The following RANBP17 variants were observed in gnomAD, a reference collection of about 807,000 sequenced individuals.
RANBP17 encodes ran-binding protein 17.
A neutral mutation model predicts 141.2 loss-of-function variants in RANBP17; 158 were observed. The ratio of observed to expected loss-of-function variants is 1.12; its 90% CI spans 0.98 to 1.28. The LOEUF (loss-of-function observed/expected upper bound fraction) is 1.28. RANBP17 is among the 50% of genes most tolerant of loss of function. RANBP17 has a pLI of 0.00. For synonymous variants in RANBP17, 430 were observed against 450.0 expected (o/e 0.96, Z 0.56); for missense variants, 1,438 against 1,290.7 (o/e 1.11, Z -1.75).
chr5:170,890,292 G>C (rs567696310), intron 3 of RANBP17, among the ~76,000 whole-genome samples: 12 of 152,154 alleles, frequency 7.9e-5, no homozygotes, highest in African/African-American at 2.9e-4. Context: ...CTTATGTTTT[G>C]TTATTGAAAT....
At chr5:171,263,964 A>G (rs1766505475) in intron 24 of RANBP17, among the ~76,000 whole-genome samples, 1 of 152,148 alleles carries the variant, frequency 6.6e-6, no homozygotes, top group African/African-American at 2.4e-5. Flanking sequence ...TGGGAGGCTG[A>G]GGTGGGAGGA....
chr5:171,135,263 G>C (rs927072325), intron 14 of RANBP17, among the ~76,000 whole-genome samples: 33 of 142,692 alleles, frequency 2.3e-4, no homozygotes, highest in Non-Finnish European at 1.7e-4. Flanking sequence ...CTGGGCAACA[G>C]AGTGAGACTC....
intron 24 of RANBP17, chr5:171,251,760 C>T: frequency 2.2e-6 from 2 of 924,936 alleles, no homozygotes; most frequent in African/African-American, 1.6e-5. Flanking sequence ...CGTTCCCCTC[C>T]TCCCGCGCCC....
At chr5:170,931,286 A>G (rs1773353705) in intron 12 of RANBP17, among the ~76,000 whole-genome samples, 1 of 152,104 alleles carries the variant, frequency 6.6e-6, no homozygotes, top group South Asian at 2.1e-4. Flanking sequence ...AATTTGTTTA[A>G]GTTCTTTGTA....
At chr5:170,955,580 GTGTATATATATATATATA>G (rs1385125226) in intron 13 of RANBP17, among the ~76,000 whole-genome samples, 440 of 40,594 alleles carry the variant, frequency 0.011, 44 homozygotes, top group Middle Eastern at 0.036. Flanking sequence ...CTCAGTCTGT[GTGTATATATATATATATA>G]TATATATATA....
chr5:170,900,024 G>C (rs1770493904), intron 5 of RANBP17, among the ~76,000 whole-genome samples: 1 of 152,098 alleles, frequency 6.6e-6, no homozygotes, highest in Non-Finnish European at 1.5e-5. Context: ...GATGATGCTG[G>C]CCTCATAAAA....
intron 14 of RANBP17, among the ~76,000 whole-genome samples, chr5:170,997,889 A>AT (rs1778926824): frequency 6.6e-6 from 1 of 152,068 alleles, no homozygotes; most frequent in Non-Finnish European, 1.5e-5. Flanking sequence ...CAGAGAATTT[A>AT]TTTTCCTCTG....
At chr5:171,199,583 C>A in intron 18 of RANBP17, 87 bp from the exon 19 acceptor site, 1 of 735,050 alleles carries the variant, frequency 1.4e-6, no homozygotes, top group Non-Finnish European at 2.2e-6. Flanking sequence ...GGGAATATTT[C>A]TAAGCCTAAA....
At chr5:171,225,149 C>T (rs965471618) in intron 22 of RANBP17, among the ~76,000 whole-genome samples, 1 of 152,224 alleles carries the variant, frequency 6.6e-6, no homozygotes, top group Non-Finnish European at 1.5e-5. Context: ...TTCAGTCATA[C>T]TGACAGTGGT....
chr5:170,903,329 TC>T (rs1374410536), intron 5 of RANBP17, among the ~76,000 whole-genome samples: 1 of 151,476 alleles, frequency 6.6e-6, no homozygotes, highest in Non-Finnish European at 1.5e-5. Flanking sequence ...TGGACGCCCC[TC>T]CCCCCACCAA....
chr5:171,297,846 CTTTTTT>C (rs71310040), intron 27 of RANBP17, among the ~76,000 whole-genome samples: 1 of 67,508 alleles, frequency 1.5e-5, no homozygotes, highest in African/African-American at 5.7e-5. Flanking sequence ...CCAATAAATT[CTTTTTT>C]TTTTTTTTTT....
At chr5:171,232,112 A>G (rs114536310) in intron 22 of RANBP17, among the ~76,000 whole-genome samples, 7 of 152,336 alleles carry the variant, frequency 4.6e-5, no homozygotes, top group Non-Finnish European at 8.8e-5. Flanking sequence ...ATATGTGGCA[A>G]CAGTTGAAAG....
intron 13 of RANBP17, among the ~76,000 whole-genome samples, chr5:170,958,167 GCTT>G (rs1775873740): frequency 1.3e-5 from 2 of 152,172 alleles, no homozygotes; most frequent in African/African-American, 2.4e-5. Context: ...ATATCCATTG[GCTT>G]CTTTCTGTGT....
intron 14 of RANBP17, among the ~76,000 whole-genome samples, chr5:171,064,373 C>T (rs778798580): frequency 9.9e-5 from 15 of 152,158 alleles, no homozygotes; most frequent in Non-Finnish European, 1.8e-4. Flanking sequence ...AAAAAATTGA[C>T]TTTTATTGTA....
intron 13 of RANBP17, among the ~76,000 whole-genome samples, chr5:170,965,314 G>T (rs1776472065): frequency 6.6e-6 from 1 of 151,062 alleles, no homozygotes; most frequent in Non-Finnish European, 1.5e-5. Context: ...TGTCAGATGA[G>T]TAGGTTGCGA....
intron 11 of RANBP17, among the ~76,000 whole-genome samples, chr5:170,922,051 C>T (rs968892013): frequency 2.0e-5 from 3 of 152,024 alleles, no homozygotes; most frequent in Non-Finnish European, 2.9e-5. Flanking sequence ...GATGCTATTC[C>T]TTTCTGTTTG....
intron 11 of RANBP17, among the ~76,000 whole-genome samples, chr5:170,922,631 C>T (rs1436487374): frequency 2.0e-5 from 3 of 152,166 alleles, no homozygotes; most frequent in Admixed American, 6.5e-5. Context: ...GAGCCAGGCA[C>T]AGGAGGGTAT....
chr5:171,108,290 C>G (rs909862184), intron 14 of RANBP17, among the ~76,000 whole-genome samples: 2 of 151,840 alleles, frequency 1.3e-5, no homozygotes, highest in African/African-American at 4.8e-5. Flanking sequence ...AGCAGTGCAA[C>G]TAATAAGGGG....
At chr5:170,914,121 C>A in intron 7 of RANBP17, 46 bp from the exon 8 acceptor site, 1 of 1,235,718 alleles carries the variant, frequency 8.1e-7, no homozygotes, top group South Asian at 1.2e-5. Flanking sequence ...TTGTTAAGAT[C>A]ACTGAATTGA....
Sources: gnomAD v4.1 joint callset for allele counts (sites outside exome capture counted in the v4.1 genomes callset) on GRCh38, gnomAD v4.1.1 for gene constraint, MANE v1.5 for transcripts, NCBI Gene and HGNC (gene_info 2026-07-23, HGNC 2026-07-21) for gene names.